The following BPTF variants were observed in gnomAD, a reference collection of about 807,000 sequenced individuals.
BPTF encodes the protein nucleosome-remodeling factor subunit BPTF.
Under a neutral mutation model 292.5 loss-of-function variants are expected in BPTF, and 18 were observed. The observed-to-expected ratio is 0.06, with a 90% CI of 0.04 to 0.09. The LOEUF (loss-of-function observed/expected upper bound fraction) is 0.09. Among genes scored for constraint, BPTF ranks in the 10% least tolerant of loss-of-function variants. BPTF has a pLI of 1.00. For synonymous variants in BPTF, 1,225 were observed against 1,251.9 expected, an observed-to-expected ratio of 0.98 and a Z score of 0.45; for missense variants, 2,726 against 3,498.7, an observed-to-expected ratio of 0.78 and a Z score of 5.57.
intron 9 of BPTF, among the ~76,000 whole-genome samples, chr17:67,908,298 A>T (rs2062375455): frequency 6.6e-6 from 1 of 151,868 alleles, no homozygotes; most frequent in Non-Finnish European, 1.5e-5. Context: ...AGCTGGGACT[A>T]CAGGCTCGTA....
At chr17:67,843,752 G>GTTTTTTTTTTT (rs1188981249) in intron 1 of BPTF, among the ~76,000 whole-genome samples, 1 of 81,212 alleles carries the variant, frequency 1.2e-5, no homozygotes, top group African/African-American at 6.8e-5. Flanking sequence ...TGGAGCAGTT[G>GTTTTTTTTTTT]TCTTTTTTTT....
chr17:67,968,657 G>A (rs1465544788), intron 26 of BPTF, among the ~76,000 whole-genome samples: 1 of 150,850 alleles, frequency 6.6e-6, no homozygotes, highest in Non-Finnish European at 1.5e-5. Context: ...GTGTGGTGGC[G>A]GGCACCTGTA....
intron 4 of BPTF, among the ~76,000 whole-genome samples, chr17:67,881,061 G>C (rs904558422): frequency 6.6e-6 from 1 of 151,478 alleles, no homozygotes; most frequent in South Asian, 2.1e-4. Context: ...CATATAATTT[G>C]GTAGAAGTTA....
At chr17:67,930,692 C>T (rs1209701685) in intron 17 of BPTF, among the ~76,000 whole-genome samples, 2 of 152,066 alleles carry the variant, frequency 1.3e-5, no homozygotes, top group East Asian at 1.9e-4. Context: ...GCCTGTAATG[C>T]CAGCACTTTG....
rs1177945989 is a variant in BPTF at position 67,854,586 on chromosome 17, T to G, written c.1260T>G (p.Pro420=). 6.2e-7 allele frequency: 1 copy of G among 1,614,208 alleles called. No homozygotes were observed. The highest frequency in any genetic ancestry group is 1.3e-5 in the African/African-American group (1 of 75,044). The change falls in exon 2 of 28, where the codon CCT becomes CCG. Residue 420 remains proline, a synonymous_variant. Transcript: ENST00000306378. This position sits in a 1 kb window ranked among gnomAD's most constrained non-coding sequence, Gnocchi z 5.6. ...ACCATTTGGAATGTGTGAAGCCACC[T>G]CTTGAGGAGGTGCCAGAGGACGAGT... ...AVYHLECVKP[P]LEEVPEDEWQ...
At chr17:67,858,567 A>AG (rs1363470872) in intron 2 of BPTF, among the ~76,000 whole-genome samples, 1 of 136,398 alleles carries the variant, frequency 7.3e-6, no homozygotes, top group East Asian at 1.9e-4. Flanking sequence ...AAAAAAAAAA[A>AG]AAAAAAAAAA....
chr17:67,879,387 G>T (rs947834231), intron 4 of BPTF, among the ~76,000 whole-genome samples: 2 of 151,966 alleles, frequency 1.3e-5, no homozygotes, highest in African/African-American at 2.4e-5. Context: ...TGATCCACCC[G>T]CCTCAGCCTC....
At chr17:67,839,962 T>A (rs1013211791) in intron 1 of BPTF, among the ~76,000 whole-genome samples, 7 of 152,066 alleles carry the variant, frequency 4.6e-5, no homozygotes, top group East Asian at 1.9e-4. Flanking sequence ...GTTTTTTTTT[T>A]AAAAGACACC....
chr17:67,903,272 C>G (rs1424530572), intron 7 of BPTF, among the ~76,000 whole-genome samples: 1 of 152,130 alleles, frequency 6.6e-6, no homozygotes, highest in African/African-American at 2.4e-5. Context: ...ATTCTTTGGT[C>G]TTCGTTTTTT....
At chr17:67,845,699 AG>A (rs2057977368) in intron 1 of BPTF, among the ~76,000 whole-genome samples, 2 of 152,096 alleles carry the variant, frequency 1.3e-5, no homozygotes, top group Admixed American at 6.6e-5. Context: ...TCTTGAGCCC[AG>A]GAGGTGAGGC....
At chr17:67,980,323 C>T (rs1318481427) in intron 27 of BPTF, among the ~76,000 whole-genome samples, 10 of 152,176 alleles carry the variant, frequency 6.6e-5, no homozygotes, top group African/African-American at 1.7e-4. Flanking sequence ...CCAGCCTGGG[C>T]AACACTGAGG....
chr17:67,935,972 A>G (rs746813408), intron 18 of BPTF, among the ~76,000 whole-genome samples: 3 of 152,226 alleles, frequency 2.0e-5, no homozygotes, highest in Non-Finnish European at 4.4e-5. Context: ...TTGTGCTTAT[A>G]AATTGAATGT....
intron 2 of BPTF, among the ~76,000 whole-genome samples, chr17:67,863,579 C>T (rs767781715): frequency 1.1e-4 from 16 of 152,174 alleles, no homozygotes; most frequent in Non-Finnish European, 2.2e-4. Context: ...CCACCACGCC[C>T]GGCCCATTAC....
chr17:67,926,783 G>T (rs1028383906), intron 15 of BPTF, among the ~76,000 whole-genome samples: 1 of 151,866 alleles, frequency 6.6e-6, no homozygotes, highest in South Asian at 2.1e-4. Flanking sequence ...TGTTGCTGAG[G>T]CTGGAGTGTA....
intron 25 of BPTF, among the ~76,000 whole-genome samples, chr17:67,964,745 A>C (rs1346403592): frequency 1.3e-5 from 2 of 152,128 alleles, no homozygotes; most frequent in Non-Finnish European, 2.9e-5. Flanking sequence ...TCATGCCTGT[A>C]ATCCCAGCAC....
chr17:67,853,948 A>C lies in BPTF; in HGVS notation c.622A>C (p.Lys208Gln). The C allele has an allele frequency of 1.9e-6, 3 of 1,606,734 alleles. No homozygotes were observed. Among genetic ancestry groups the C allele is most frequent in the Non-Finnish European group, 2.6e-6 (3 of 1,174,612 alleles). The change falls in exon 2 of 28, where the codon AAA becomes CAA. Residue 208 changes from lysine to glutamine, a missense_variant. By Grantham distance (53) the Lys-to-Gln change is moderately conservative. Around this residue, in one of 22 missense-constraint regions of BPTF, gnomAD observed 153 missense variants for 178.3 expected, o/e 0.86. Coordinates refer to ENST00000306378, the MANE Select transcript of BPTF (RefSeq NM_182641.4). ...CACGTCTTTATCTACAGGTAGGCGAAAACCAAGAGTACATCGGCCTCGTTC... is the reference window on the plus strand; with the variant it reads ...CACGTCTTTATCTACAGGTAGGCGACAACCAAGAGTACATCGGCCTCGTTC... ...STYSSTPGRR[K>Q]PRVHRPRSPI...
chr17:67,919,218 T>TA lies in BPTF; in HGVS notation c.5428+384dup, dbSNP rs1555656759. Reference sequence around the variant, plus strand: ...ATAATAATAATAATAATAATAATAATAAAATATAATGCTTGTTTTTTAGAA... The same window carrying TA: ...ATAATAATAATAATAATAATAATAATAAAAATATAATGCTTGTTTTTTAGAA... On this transcript the variant is annotated intron_variant, in intron 12 of 27. Transcript: ENST00000306378. Among the ~76,000 whole-genome samples, 275 of 126,238 alleles carry TA rather than the reference T, an allele frequency of 2.2e-3. 3 individuals are homozygous for TA. The highest frequency in any genetic ancestry group is 9.4e-3 in the African/African-American group (258 of 27,426). The allele number at this position is 126,238 out of a possible 152,430, so 82.8% of individuals were successfully genotyped here.
At position 67,854,452 on chromosome 17, in the gene BPTF, A is replaced by G. The variant is rs2058582282; in HGVS notation, c.1126A>G (p.Ile376Val). 1.2e-6 allele frequency: 2 copies of G among 1,614,214 alleles called. No homozygotes were observed. Among genetic ancestry groups the G allele is most frequent in the Non-Finnish European group, 1.7e-6 (2 of 1,180,042 alleles). The change falls in exon 2 of 28, where the codon ATT (isoleucine) becomes GTT (valine). Residue 376 changes from isoleucine to valine, a missense_variant. Coordinates refer to ENST00000306378, the MANE Select transcript of BPTF (RefSeq NM_182641.4). This position sits in a 1 kb window ranked among gnomAD's most constrained non-coding sequence, Gnocchi z 5.6. The part of the protein sequence containing the change: ...FLVDQFLTTN[I>V]AREELMSEGV... ...AGTCGATCAGTTTCTTACAACAAATATTGCTCGAGAGGAATTGATGTCTGA... is the reference window on the plus strand; with the variant it reads ...AGTCGATCAGTTTCTTACAACAAATGTTGCTCGAGAGGAATTGATGTCTGA...
At chr17:67,929,953 A>G (rs1346449002) in intron 17 of BPTF, among the ~76,000 whole-genome samples, 1 of 145,794 alleles carries the variant, frequency 6.9e-6, no homozygotes, top group East Asian at 2.0e-4. Flanking sequence ...CCATCTCTAC[A>G]AAAAATACAG....
Sources: allele counts gnomAD v4.1 joint callset (sites outside exome capture counted in the v4.1 genomes callset), GRCh38; gene constraint gnomAD v4.1.1; regional missense constraint gnomAD v4.1.1; non-coding constraint Gnocchi (gnomAD v3.1); transcripts MANE v1.5; gene names NCBI Gene and HGNC (gene_info 2026-07-23, HGNC 2026-07-21).